Variants in YES1 observed in about 807,000 individuals in gnomAD.
YES1 encodes the protein YES proto-oncogene 1, Src family tyrosine kinase, also known as tyrosine-protein kinase Yes.
In YES1, 39 loss-of-function variants were observed where a neutral mutation model predicts 70.4. The ratio of observed to expected loss-of-function variants is 0.55; its 90% confidence interval spans 0.43 to 0.72. YES1 has a LOEUF of 0.72. Ranked by LOEUF, YES1 falls within the 30% of genes least tolerant of loss-of-function variation. YES1 has a pLI of 0.00. For missense variants in YES1, 495 were observed against 644.8 expected (o/e 0.77, Z 2.52); for synonymous variants, 198 against 218.6 (o/e 0.91, Z 0.83).
chr18:796,585 T>C (rs979149052), intron 1 of YES1, among the ~76,000 whole-genome samples: 1 of 152,006 alleles, frequency 6.6e-6, no homozygotes, highest in Non-Finnish European at 1.5e-5. Context: ...CTGCCCAACA[T>C]AGTGAAACCC....
At chr18:779,234 C>A (rs1300594647) in intron 1 of YES1, among the ~76,000 whole-genome samples, 2 of 151,566 alleles carry the variant, frequency 1.3e-5, no homozygotes, top group East Asian at 3.9e-4. Flanking sequence ...AGACCCCCGT[C>A]CCGGCAAAAA....
rs1286814568 is a variant in YES1, at chr18:747,913, GC to G, written c.470+6del. 1 of 1,611,362 alleles carries G rather than the reference GC, an allele frequency of 6.2e-7. No homozygotes were observed. The highest frequency in any genetic ancestry group is 8.5e-7 in the Non-Finnish European group (1 of 1,178,666). On this transcript the variant is annotated splice_donor_region_variant and intron_variant, in intron 4 of 11. Transcript: ENST00000314574. The stretch of plus-strand genomic sequence containing the variant: ...AATAATTAATAAAATATGAAGTAGT[GC>G]CATACTCTTCTGCCTGAATGGAATC...
rs146829803 is a variant in YES1 at position 808,829 on chromosome 18, T to C, written c.-9+3285A>G. 2.2e-3 allele frequency among the ~76,000 whole-genome samples: 330 copies of C among 152,350 alleles called. 1 individual carries two copies. The highest frequency in any genetic ancestry group is 7.5e-3 in the African/African-American group (310 of 41,584). On this transcript the variant is annotated intron_variant, in intron 1 of 11. Coordinates refer to ENST00000314574, the MANE Select transcript of YES1 (RefSeq NM_005433.4). The stretch of plus-strand genomic sequence containing the variant: ...GCATTTCTGAAACTCCAACACCATA[T>C]TGTCATTTGCCTTTTGAACCAAAAC...
intron 1 of YES1, among the ~76,000 whole-genome samples, chr18:787,078 GTCTTTTT>G (rs1905992729): frequency 1.7e-5 from 1 of 58,446 alleles, no homozygotes; most frequent in African/African-American, 6.6e-5. Flanking sequence ...GATACATACT[GTCTTTTT>G]TTTTTTTTTT....
intron 7 of YES1, 64 bp from the exon 8 acceptor site, chr18:743,161 C>T: frequency 1.3e-6 from 2 of 1,547,616 alleles, no homozygotes; most frequent in Non-Finnish European, 1.7e-6. Flanking sequence ...CTTCAGTGAA[C>T]AGCACTTCTC....
chr18:801,331 T>C (rs1043159522), intron 1 of YES1, among the ~76,000 whole-genome samples: 1 of 151,830 alleles, frequency 6.6e-6, no homozygotes, highest in African/African-American at 2.4e-5. Context: ...ACACCCTGTC[T>C]CAAAAAAATG....
At chr18:767,899 C>T (rs949934608) in intron 1 of YES1, among the ~76,000 whole-genome samples, 5 of 152,132 alleles carry the variant, frequency 3.3e-5, no homozygotes, top group African/African-American at 1.2e-4. Context: ...TGGGGTTTCA[C>T]CATGTTGGCC....
At chr18:746,393 T>C (rs569258243) in intron 4 of YES1, among the ~76,000 whole-genome samples, 70 of 152,276 alleles carry the variant, frequency 4.6e-4, no homozygotes, top group African/African-American at 1.0e-3. Context: ...ACAGGAAGAA[T>C]AGAAGTGGTT....
intron 1 of YES1, among the ~76,000 whole-genome samples, chr18:782,349 G>A (rs909077268): frequency 2.0e-5 from 3 of 152,178 alleles, no homozygotes; most frequent in Non-Finnish European, 2.9e-5. Flanking sequence ...CCCTGGCCCA[G>A]CTTGGATCAG....
chr18:789,271 C>A (rs1440074062), intron 1 of YES1, among the ~76,000 whole-genome samples: 11 of 152,032 alleles, frequency 7.2e-5, no homozygotes, highest in Non-Finnish European at 1.2e-4. Flanking sequence ...AAAGAGAGAA[C>A]AAAACCCACA....
At chr18:792,811 G>A (rs184790444) in intron 1 of YES1, among the ~76,000 whole-genome samples, 1 of 150,824 alleles carries the variant, frequency 6.6e-6, no homozygotes, top group Non-Finnish European at 1.5e-5. Context: ...TTAAAAAAAT[G>A]TAAAAAAGAA....
chr18:799,632 G>A (rs1906717143), intron 1 of YES1, among the ~76,000 whole-genome samples: 1 of 152,218 alleles, frequency 6.6e-6, no homozygotes, highest in African/African-American at 2.4e-5. Flanking sequence ...CCACCTGGGA[G>A]GTGGAGGTAG....
intron 8 of YES1, among the ~76,000 whole-genome samples, chr18:741,769 C>G (rs2080219469): frequency 6.6e-6 from 1 of 152,124 alleles, no homozygotes; most frequent in Non-Finnish European, 1.5e-5. Context: ...GCACTCCACC[C>G]TGGGGGATAG....
At chr18:791,765 G>A (rs770850518) in intron 1 of YES1, among the ~76,000 whole-genome samples, 23 of 152,040 alleles carry the variant, frequency 1.5e-4, no homozygotes, top group Non-Finnish European at 3.1e-4. Context: ...AAAATCTGGT[G>A]TGTACTGCAC....
chr18:800,706 T>C (rs552481732), intron 1 of YES1, among the ~76,000 whole-genome samples: 92 of 152,198 alleles, frequency 6.0e-4, no homozygotes, highest in Non-Finnish European at 1.3e-3. Flanking sequence ...AAAATTTCCA[T>C]TGGTAGCTTC....
At chr18:811,598 CAT>C (rs1907383264) in intron 1 of YES1, among the ~76,000 whole-genome samples, 1 of 152,154 alleles carries the variant, frequency 6.6e-6, no homozygotes, top group Non-Finnish European at 1.5e-5. Context: ...AAACTTTAAA[CAT>C]GTTGCGGTTT....
intron 1 of YES1, among the ~76,000 whole-genome samples, chr18:771,196 G>A (rs184727295): frequency 4.2e-4 from 64 of 151,944 alleles, no homozygotes; most frequent in African/African-American, 1.3e-3. Flanking sequence ...GCGAAACCTC[G>A]TCTCTACTAA....
chr18:730,725 A>G (rs1204618414), intron 11 of YES1, among the ~76,000 whole-genome samples: 2 of 152,126 alleles, frequency 1.3e-5, no homozygotes, highest in South Asian at 2.1e-4. Context: ...GTTCTTTTAC[A>G]TATTTTATTT....
At position 756,061 on chromosome 18, in the gene YES1, G is replaced by GA. The variant is rs1430060207; in HGVS notation, c.271+495dup. Among the ~76,000 whole-genome samples, 4 of 152,252 alleles carry GA rather than the reference G, an allele frequency of 2.6e-5. No individual in the cohort carries two copies. The East Asian group carries it at 7.7e-4, about 29-fold the overall frequency. Reference sequence around the variant, plus strand: ...CCTACTTACTATCTGTGACTTGGGGGAAAATTTTAAACTGTCTGAGCTTTA... The same window carrying GA: ...CCTACTTACTATCTGTGACTTGGGGGAAAAATTTTAAACTGTCTGAGCTTTA... On this transcript the variant is annotated intron_variant, in intron 2 of 11. Coordinates refer to ENST00000314574, the MANE Select transcript of YES1 (RefSeq NM_005433.4).
Sources: allele counts gnomAD v4.1 joint callset (sites outside exome capture counted in the v4.1 genomes callset), GRCh38; gene constraint gnomAD v4.1.1; transcripts MANE v1.5; gene names NCBI Gene and HGNC (gene_info 2026-07-23, HGNC 2026-07-21).